The following ZBTB46 variants were observed in gnomAD, a reference collection of about 807,000 sequenced individuals.
ZBTB46 encodes the protein zinc finger and BTB domain containing 46.
ZBTB46 carries 8 observed loss-of-function variants against 44.1 expected under a neutral mutation model. The observed-to-expected ratio is 0.18, with a 90% confidence interval of 0.11 to 0.33. ZBTB46 has a LOEUF of 0.33. Ranked by LOEUF, ZBTB46 falls within the 10% of genes least tolerant of loss-of-function variation. The pLI is 1.00. For missense variants in ZBTB46, 651 were observed against 847.7 expected (o/e 0.77, Z 2.88); for synonymous variants, 409 against 382.3 (o/e 1.07, Z -0.81).
At position 63,747,139 on chromosome 20, in the gene ZBTB46, C is replaced by T. The variant is rs759004681; in HGVS notation, c.1561G>A (p.Glu521Lys). ...GGGAACAGCGCCTCTGGAGAGCCCTCGCCGCCTCCGCCGCCATGGTCCAGG... is the reference window on the plus strand; with the variant it reads ...GGGAACAGCGCCTCTGGAGAGCCCTTGCCGCCTCCGCCGCCATGGTCCAGG... ...GPLDHGGGGG[E>K]GSPEALFPGD... The change falls in exon 5 of 5, where the codon GAG becomes AAG. Residue 521 changes from glutamate to lysine, a missense_variant. This residue lies in a region of ZBTB46 where 75 missense variants were observed against 107.8 expected (regional missense o/e 0.70). Transcript: ENST00000245663. 3.4e-5 allele frequency: 55 copies of T among 1,609,446 alleles called. No individual in the cohort carries two copies. The highest frequency in any genetic ancestry group is 1.8e-4 in the Admixed American group (11 of 59,880).
intron 4 of ZBTB46, among the ~76,000 whole-genome samples, chr20:63,751,116 G>A (rs999234032): frequency 1.3e-5 from 2 of 151,974 alleles, no homozygotes; most frequent in African/African-American, 2.4e-5. Context: ...TCGGCCTGGT[G>A]CAGCTACCCC....
intron 1 of ZBTB46, among the ~76,000 whole-genome samples, chr20:63,812,548 G>A (rs994852279): frequency 2.0e-5 from 3 of 152,282 alleles, no homozygotes; most frequent in East Asian, 3.9e-4. Context: ...AGGTGGAGGC[G>A]GGCGAATCAC....
intron 1 of ZBTB46, among the ~76,000 whole-genome samples, chr20:63,794,119 G>A (rs6011116): frequency 0.079 from 11,936 of 151,186 alleles, 913 homozygotes; most frequent in East Asian, 0.43. Flanking sequence ...CCGGGAGGCG[G>A]AGCTTGCAGT....
At chr20:63,801,698 C>T (rs2092647024) in intron 1 of ZBTB46, among the ~76,000 whole-genome samples, 1 of 152,188 alleles carries the variant, frequency 6.6e-6, no homozygotes, top group Admixed American at 6.5e-5. Context: ...AAACTCCAAA[C>T]ACGTCTGAAC....
At chr20:63,757,361 G>A (rs1454548736) in intron 3 of ZBTB46, among the ~76,000 whole-genome samples, 1 of 152,156 alleles carries the variant, frequency 6.6e-6, no homozygotes, top group Non-Finnish European at 1.5e-5. Context: ...GACCTCAGGT[G>A]ATCCACCCGC....
At chr20:63,751,959 C>G (rs2092171644) in intron 4 of ZBTB46, among the ~76,000 whole-genome samples, 1 of 152,142 alleles carries the variant, frequency 6.6e-6, no homozygotes, top group African/African-American at 2.4e-5. Context: ...AGAGCCTCTT[C>G]CGCCCCGACA....
intron 1 of ZBTB46, among the ~76,000 whole-genome samples, chr20:63,830,384 G>A (rs1029161098): frequency 6.6e-6 from 1 of 151,126 alleles, no homozygotes; most frequent in Non-Finnish European, 1.5e-5. Flanking sequence ...CGCTTCCTCC[G>A]CGCGCCCCGT....
chr20:63,833,775 C>T (rs562512660), upstream of ZBTB46, among the ~76,000 whole-genome samples: 2 of 152,272 alleles, frequency 1.3e-5, no homozygotes, highest in South Asian at 4.1e-4. Flanking sequence ...AGCCTGGAGA[C>T]GAAGACAGTA....
intron 3 of ZBTB46, among the ~76,000 whole-genome samples, chr20:63,773,246 T>TTTTTTTTA (rs2092392250): frequency 6.7e-6 from 1 of 149,064 alleles, no homozygotes; most frequent in African/African-American, 2.4e-5. Flanking sequence ...TTTTTTTTTT[T>TTTTTTTTA]GAGACAGTGT....
At chr20:63,750,231 C>T (rs1384735513) in intron 4 of ZBTB46, among the ~76,000 whole-genome samples, 1 of 152,104 alleles carries the variant, frequency 6.6e-6, no homozygotes, top group Admixed American at 6.5e-5. Flanking sequence ...AAAGTCAAGC[C>T]CCATATGCTT....
intron 1 of ZBTB46, among the ~76,000 whole-genome samples, chr20:63,805,619 C>T (rs906149622): frequency 2.6e-5 from 4 of 152,160 alleles, no homozygotes; most frequent in Admixed American, 6.5e-5. Flanking sequence ...GGGAGCATGG[C>T]CCTGAGACAC....
chr20:63,812,682 G>C (rs1478055225), intron 1 of ZBTB46, among the ~76,000 whole-genome samples: 2 of 152,228 alleles, frequency 1.3e-5, no homozygotes, highest in Non-Finnish European at 2.9e-5. Context: ...GGGAGGCTGA[G>C]GCGGGAGAAT....
chr20:63,803,558 T>C lies in ZBTB46; in HGVS notation c.-33-12768A>G. On this transcript the variant is annotated intron_variant, in intron 1 of 4. Transcript: ENST00000245663. The surrounding 1 kb of genome is among the most constrained non-coding windows in gnomAD (Gnocchi z 4.0). ...AAAGCCATGTCTGCCGGCCCCGGGC[T>C]GCCCAGGCCCCGGGCTGCCCAGGTC... 1 of 972,318 alleles carries C rather than the reference T, an allele frequency of 1.0e-6. No individual in the cohort carries two copies. Among genetic ancestry groups the C allele is most frequent in the Non-Finnish European group, 1.2e-6 (1 of 822,842 alleles). The allele number at this position is 972,318 out of a possible 1,614,324, so 60.2% of individuals were successfully genotyped here. A position where few individuals can be genotyped will look rare whatever the true frequency, so the allele number is the denominator to read the frequency against.
intron 1 of ZBTB46, among the ~76,000 whole-genome samples, chr20:63,826,818 A>T (rs927491801): frequency 1.3e-5 from 2 of 152,206 alleles, no homozygotes; most frequent in African/African-American, 4.8e-5. Context: ...TTCAGAAGGT[A>T]CAACGTGAAA....
rs1050799011 is a variant in ZBTB46, at chr20:63,816,961, G to A, written c.-34+14136C>T. On this transcript the variant is annotated intron_variant, in intron 1 of 4. Transcript: ENST00000245663. ...CTCTACTAAAAATACGAAACTAGCC[G>A]GGCATGGTGGCGCATGCCTGTAATC... is the stretch of plus-strand genomic sequence containing the variant. Among the ~76,000 whole-genome samples, 7 of 152,048 alleles carry A rather than the reference G, an allele frequency of 4.6e-5. No individual in the cohort carries two copies. The South Asian group carries it at 6.2e-4, about 14-fold the overall frequency.
At chr20:63,795,767 A>C (rs2092598799) in intron 1 of ZBTB46, among the ~76,000 whole-genome samples, 1 of 152,198 alleles carries the variant, frequency 6.6e-6, no homozygotes, top group Non-Finnish European at 1.5e-5. Context: ...GCTCCGCCAA[A>C]CGTGGCTTCT....
At chr20:63,817,746 G>A (rs1191606957) in intron 1 of ZBTB46, among the ~76,000 whole-genome samples, 1 of 151,272 alleles carries the variant, frequency 6.6e-6, no homozygotes, top group African/African-American at 2.4e-5. Flanking sequence ...GAAGAAGAAA[G>A]AAGAGGAAAA....
intron 1 of ZBTB46, 112 bp downstream of exon 1, chr20:63,830,985 G>T: frequency 7.0e-6 from 1 of 143,008 alleles, no homozygotes. Context: ...GGCCGGCGGC[G>T]GGGGCGCGCC....
upstream of ZBTB46, among the ~76,000 whole-genome samples, chr20:63,831,416 A>ACGCCGGCCCGGC (rs890528446): frequency 5.0e-5 from 7 of 139,088 alleles, no homozygotes; most frequent in Admixed American, 1.4e-4. Context: ...GGCCCCGCCC[A>ACGCCGGCCCGGC]CGCCGGCCCG....
Sources: allele counts gnomAD v4.1 joint callset (sites outside exome capture counted in the v4.1 genomes callset), GRCh38; gene constraint gnomAD v4.1.1; regional missense constraint gnomAD v4.1.1; non-coding constraint Gnocchi (gnomAD v3.1); transcripts MANE v1.5; gene names NCBI Gene and HGNC (gene_info 2026-07-23, HGNC 2026-07-21).